The following SYNRG variants were observed in gnomAD, a reference collection of about 807,000 sequenced individuals.
SYNRG encodes synergin gamma.
SYNRG carries 37 observed loss-of-function variants against 130.9 expected under a neutral mutation model. The ratio of observed to expected loss-of-function variants is 0.28; its 90% CI spans 0.22 to 0.37. The LOEUF (loss-of-function observed/expected upper bound fraction) is 0.37, where lower values mean the gene tolerates loss of function less well. SYNRG is among the 10% of genes least tolerant of loss of function. The pLI, the probability that SYNRG is intolerant of heterozygous loss-of-function variation, is 1.00. For missense variants in SYNRG, 1,338 were observed against 1,588.9 expected, an observed-to-expected ratio of 0.84 and a Z score of 2.68; for synonymous variants, 539 against 568.1, an observed-to-expected ratio of 0.95 and a Z score of 0.73.
rs527557833 is a variant in SYNRG at position 37,515,415 on chromosome 17, T to C, written c.*3525A>G. 1 of 152,384 alleles carries C rather than the reference T, an allele frequency of 6.6e-6. No individual in the cohort carries two copies. The highest frequency in any genetic ancestry group is 2.1e-4 in the South Asian group (1 of 4,832). 9.4% of individuals were successfully genotyped at this position (152,384 alleles called of 1,614,324 possible). A position where few individuals can be genotyped will look rare whatever the true frequency, so the allele number is the denominator to read the frequency against. ...GCAAATGTCTGAAAATGTCAGTTTATTAACTGTTCACAAAGGCAGGCATTT... is the reference window on the plus strand; with the variant it reads ...GCAAATGTCTGAAAATGTCAGTTTACTAACTGTTCACAAAGGCAGGCATTT... On this transcript the variant is annotated 3_prime_UTR_variant, in exon 22 of 22. Coordinates refer to ENST00000612223, the MANE Select transcript of SYNRG (RefSeq NM_007247.6).
intron 19 of SYNRG, among the ~76,000 whole-genome samples, chr17:37,531,363 G>A (rs1292765791): frequency 6.6e-6 from 1 of 152,164 alleles, no homozygotes; most frequent in East Asian, 1.9e-4. Context: ...GCAAGTGAAT[G>A]GAGGGTAATG....
At chr17:37,571,307 C>A (rs1377644641) in intron 9 of SYNRG, among the ~76,000 whole-genome samples, 2 of 152,154 alleles carry the variant, frequency 1.3e-5, no homozygotes, top group Non-Finnish European at 2.9e-5. Flanking sequence ...TTAGGCCAGG[C>A]GTGGTGGCTC....
rs2061097489 is a variant in SYNRG at position 37,579,276 on chromosome 17, G to A, written c.590-1663C>T. ...TTCTGTGTATGCAACTGGCCAAGTG[G>A]GGTGGAGGGGTGGAAAGACTGAAAG... On this transcript the variant is annotated intron_variant, in intron 6 of 21. Coordinates refer to ENST00000612223, the MANE Select transcript of SYNRG (RefSeq NM_007247.6). The A allele has an allele frequency of 2.3e-6, 3 of 1,303,226 alleles. No individual in the cohort carries two copies. In the South Asian group the frequency reaches 3.7e-5, roughly 16 times the overall value. The allele number at this position is 1,303,226 out of a possible 1,614,324, so 80.7% of individuals were successfully genotyped here. A position where few individuals can be genotyped will look rare whatever the true frequency, so the allele number is the denominator to read the frequency against.
intron 3 of SYNRG, among the ~76,000 whole-genome samples, chr17:37,590,377 A>G (rs1238224049): frequency 6.6e-6 from 1 of 152,168 alleles, no homozygotes; most frequent in Admixed American, 6.5e-5. Context: ...ACTACAAAGG[A>G]TTAGAATCTA....
intron 19 of SYNRG, among the ~76,000 whole-genome samples, chr17:37,528,097 G>T (rs1049089951): frequency 2.6e-5 from 4 of 152,192 alleles, no homozygotes; most frequent in Non-Finnish European, 5.9e-5. Context: ...AAATGATACA[G>T]ATTCAAATCA....
At chr17:37,581,457 T>C (rs1257941396) in intron 6 of SYNRG, among the ~76,000 whole-genome samples, 1 of 151,748 alleles carries the variant, frequency 6.6e-6, no homozygotes, top group East Asian at 1.9e-4. Context: ...TTTGTATTTT[T>C]AGTAGAGATG....
intron 19 of SYNRG, among the ~76,000 whole-genome samples, chr17:37,533,926 CTTTTT>C (rs765621244): frequency 1.7e-5 from 1 of 57,790 alleles, no homozygotes; most frequent in African/African-American, 7.3e-5. Flanking sequence ...ATTTTCTTTT[CTTTTT>C]TTTTTTTTTT....
At chr17:37,519,399 T>C (rs1383114056) in intron 21 of SYNRG, among the ~76,000 whole-genome samples, 1 of 152,138 alleles carries the variant, frequency 6.6e-6, no homozygotes, top group African/African-American at 2.4e-5. Context: ...ATAGCTTTCA[T>C]CCCTCACTGT....
intron 3 of SYNRG, among the ~76,000 whole-genome samples, chr17:37,589,629 G>A (rs1402359151): frequency 2.6e-5 from 4 of 151,938 alleles, no homozygotes; most frequent in Non-Finnish European, 5.9e-5. Context: ...GGCGCCTGTA[G>A]TCCCATCTAT....
At chr17:37,607,299 G>A (rs1242487823) in intron 1 of SYNRG, among the ~76,000 whole-genome samples, 1 of 152,038 alleles carries the variant, frequency 6.6e-6, no homozygotes, top group Non-Finnish European at 1.5e-5. Context: ...CAAACTAAAG[G>A]GAATAATGCA....
intron 3 of SYNRG, among the ~76,000 whole-genome samples, chr17:37,592,173 T>C (rs897546661): frequency 6.6e-6 from 1 of 152,134 alleles, no homozygotes; most frequent in African/African-American, 2.4e-5. Flanking sequence ...GAAAATGTAA[T>C]GATGGTAAAT....
chr17:37,540,456 C>T lies in SYNRG; in HGVS notation c.3290G>A (p.Arg1097His), dbSNP rs781529025. The change falls in exon 16 of 22, where the codon CGT becomes CAT. Residue 1097 changes from arginine (R) to histidine (H), a missense_variant. Arg to His is a conservative substitution (Grantham distance 29, BLOSUM62 0). Coordinates refer to ENST00000612223, the MANE Select transcript of SYNRG (RefSeq NM_007247.6). The stretch of plus-strand genomic sequence containing the variant: ...GGGCTTCTCATTCAGAGTATTGGAA[C>T]GGTCTCTGAAAGGCTGCTCCAAAGC... ...SPALEQPFRD[R>H]SNTLNEKPAL... 1.9e-6 allele frequency: 3 copies of T among 1,613,910 alleles called. No homozygotes were observed. Among genetic ancestry groups the T allele is most frequent in the South Asian group, 1.1e-5 (1 of 91,074 alleles).
intron 11 of SYNRG, among the ~76,000 whole-genome samples, chr17:37,562,112 GTAAATTGTTTTTCTTCT>G (rs2145692574): frequency 6.6e-6 from 1 of 152,318 alleles, no homozygotes; most frequent in Admixed American, 6.5e-5. Flanking sequence ...AAGCCAAAAT[GTAAATTGTTTTTCTTCT>G]GATTGTACTG....
rs1473583667 is a variant in SYNRG at position 37,594,212 on chromosome 17, T to A, written c.240+2011A>T. The stretch of plus-strand genomic sequence containing the variant: ...TATTTTAATTATATTAATTACAATA[T>A]TAATTATTTTAATTATATTAATTAC... On this transcript the variant is annotated intron_variant, in intron 3 of 21. Coordinates refer to ENST00000612223, the MANE Select transcript of SYNRG (RefSeq NM_007247.6). 1.1e-3 allele frequency among the ~76,000 whole-genome samples: 97 copies of A among 85,188 alleles called. No individual in the cohort carries two copies. In the East Asian group the frequency reaches 0.014, roughly 12 times the overall value. 55.9% of individuals were successfully genotyped at this position (85,188 alleles called of 152,430 possible). A position where few individuals can be genotyped will look rare whatever the true frequency, so the allele number is the denominator to read the frequency against.
rs779963539 is a variant in SYNRG, at chr17:37,540,393, G to A, written c.3353C>T (p.Thr1118Met). 4.3e-6 allele frequency: 7 copies of A among 1,613,430 alleles called. No homozygotes were observed. The highest frequency in any genetic ancestry group is 2.2e-5 in the East Asian group (1 of 44,882). The change falls in exon 16 of 22, where the codon ACG becomes ATG. Residue 1118 changes from threonine to methionine, a missense_variant. Physicochemically the swap from Thr to Met is moderately conservative, Grantham distance 81. Coordinates refer to ENST00000612223, the MANE Select transcript of SYNRG (RefSeq NM_007247.6). The stretch of plus-strand genomic sequence containing the variant: ...CTCTCCTCTCACCTCCACCTCTCCC[G>A]TCAGGTCTTTGTACTTGTCTCGGAT... ...PVIRDKYKDL[T>M]GEVEENERYA... is the part of the protein sequence containing the mutation.
In SYNRG at chr17:37,515,189, C is replaced by A. The variant is rs1206573166; in HGVS notation, c.*3751G>T. On this transcript the variant is annotated 3_prime_UTR_variant, in exon 22 of 22. Coordinates refer to ENST00000612223, the MANE Select transcript of SYNRG (RefSeq NM_007247.6). ...AAGTATTTGTAAAGTGGCATTTTTC[C>A]CCCAAGAGCTGTTTCACTTAAGCTT... 6.6e-6 allele frequency: 1 copy of A among 152,042 alleles called. No homozygotes were observed. The highest frequency in any genetic ancestry group is 1.5e-5 in the Non-Finnish European group (1 of 68,018). The allele number at this position is 152,042 out of a possible 1,614,324, so 9.4% of individuals were successfully genotyped here. A position where few individuals can be genotyped will look rare whatever the true frequency, so the allele number is the denominator to read the frequency against.
intron 6 of SYNRG, among the ~76,000 whole-genome samples, chr17:37,580,502 TGTGTGTGTGA>T (rs1252430683): frequency 5.1e-5 from 6 of 118,498 alleles, no homozygotes; most frequent in African/African-American, 7.3e-5. Flanking sequence ...TGTGTGTGTG[TGTGTGTGTGA>T]GAGAGAGAGA....
At chr17:37,524,642 C>G (rs994918624) in intron 19 of SYNRG, among the ~76,000 whole-genome samples, 1 of 152,230 alleles carries the variant, frequency 6.6e-6, no homozygotes, top group Non-Finnish European at 1.5e-5. Flanking sequence ...ATGTGGAAGA[C>G]GCTGGTGCTA....
chr17:37,520,071 A>T (rs2054801661), intron 21 of SYNRG, 108 bp downstream of exon 21: 11 of 1,235,796 alleles, frequency 8.9e-6, no homozygotes, highest in Non-Finnish European at 1.1e-5. Flanking sequence ...TCAGTGAAGG[A>T]TTCATGATTG....
Sources: allele counts gnomAD v4.1 joint callset (sites outside exome capture counted in the v4.1 genomes callset), GRCh38; gene constraint gnomAD v4.1.1; transcripts MANE v1.5; gene names NCBI Gene and HGNC (gene_info 2026-07-23, HGNC 2026-07-21).